The following PTPRQ variants were observed in gnomAD, a reference collection of about 807,000 sequenced individuals.
PTPRQ encodes the protein phosphatidylinositol phosphatase PTPRQ.
A neutral mutation model predicts 246.0 loss-of-function variants in PTPRQ; 199 were observed. That is an observed-to-expected ratio of 0.81 (90% CI 0.72 to 0.91). The LOEUF (loss-of-function observed/expected upper bound fraction) is 0.91. Ranked by LOEUF, PTPRQ falls within the 40% of genes least tolerant of loss-of-function variation. The pLI is 0.00. For synonymous variants in PTPRQ, 869 were observed against 853.2 expected, an observed-to-expected ratio of 1.02 and a Z score of -0.32; for missense variants, 2,624 against 2,528.4, an observed-to-expected ratio of 1.04 and a Z score of -0.81.
intron 35 of PTPRQ, among the ~76,000 whole-genome samples, chr12:80,641,571 A>T (rs1034398626): frequency 6.6e-6 from 1 of 152,258 alleles, no homozygotes; most frequent in African/African-American, 2.4e-5. Flanking sequence ...TTAACTAGTT[A>T]CCAAGTTCCC....
At chr12:80,586,268 T>C (rs1176069086) in intron 25 of PTPRQ, among the ~76,000 whole-genome samples, 1 of 151,480 alleles carries the variant, frequency 6.6e-6, no homozygotes. Context: ...AAGAAGACAT[T>C]TATGCAGCCA....
chr12:80,670,234 G>T, intron 41 of PTPRQ, 110 bp from the exon 42 acceptor site: 1 of 1,442,538 alleles, frequency 6.9e-7, no homozygotes, highest in South Asian at 1.4e-5. Flanking sequence ...ATTTGGTTTG[G>T]TAAATAGTCA....
chr12:80,507,157 AG>A (rs1421051488), intron 16 of PTPRQ, among the ~76,000 whole-genome samples: 1 of 151,916 alleles, frequency 6.6e-6, no homozygotes, highest in Non-Finnish European at 1.5e-5. Context: ...TATTCCCCAA[AG>A]TTAGTAGCTT....
chr12:80,651,519 A>T (rs183598663), intron 37 of PTPRQ, among the ~76,000 whole-genome samples: 81 of 152,164 alleles, frequency 5.3e-4, no homozygotes, highest in Non-Finnish European at 1.5e-5. Context: ...TCCCACTGAA[A>T]AGAGAGAAAG....
intron 33 of PTPRQ, among the ~76,000 whole-genome samples, chr12:80,623,936 C>G (rs139756933): frequency 2.0e-5 from 3 of 152,144 alleles, no homozygotes; most frequent in Non-Finnish European, 4.4e-5. Context: ...CAATGATGGC[C>G]TCATCCAGCA....
chr12:80,657,350 A>G (rs1291766287), intron 38 of PTPRQ, among the ~76,000 whole-genome samples: 1 of 151,888 alleles, frequency 6.6e-6, no homozygotes, highest in Non-Finnish European at 1.5e-5. Flanking sequence ...CCTTGTGATA[A>G]TGAAAGTAAG....
chr12:80,555,510 A>T (rs1265203666), intron 25 of PTPRQ, among the ~76,000 whole-genome samples: 1 of 152,192 alleles, frequency 6.6e-6, no homozygotes, highest in African/African-American at 2.4e-5. Flanking sequence ...TTTCCTTTGT[A>T]TCCTACTTAC....
intron 25 of PTPRQ, among the ~76,000 whole-genome samples, chr12:80,555,168 G>A (rs892872158): frequency 5.3e-5 from 8 of 151,936 alleles, no homozygotes; most frequent in East Asian, 1.9e-4. Flanking sequence ...TACCTGCCTC[G>A]GCCTCCCAAA....
intron 38 of PTPRQ, among the ~76,000 whole-genome samples, chr12:80,654,847 G>A (rs1053084915): frequency 6.6e-6 from 1 of 151,848 alleles, no homozygotes; most frequent in African/African-American, 2.4e-5. Flanking sequence ...GTGACAGAGC[G>A]AGACTCTATC....
At chr12:80,466,381 T>C (rs1893414206) in intron 6 of PTPRQ, among the ~76,000 whole-genome samples, 1 of 152,088 alleles carries the variant, frequency 6.6e-6, no homozygotes, top group African/African-American at 2.4e-5. Flanking sequence ...GAAAGAACAT[T>C]CCATGCTCAT....
intron 9 of PTPRQ, among the ~76,000 whole-genome samples, chr12:80,487,466 A>T (rs897414562): frequency 6.6e-6 from 1 of 152,084 alleles, no homozygotes; most frequent in Non-Finnish European, 1.5e-5. Flanking sequence ...CTCTGACTGG[A>T]CATAACACAA....
At chr12:80,472,376 T>C in intron 8 of PTPRQ, 125 bp downstream of exon 8, 1 of 1,304,336 alleles carries the variant, frequency 7.7e-7, no homozygotes. Context: ...CTTATTAAAT[T>C]ACTACCTAAT....
At chr12:80,465,070 G>A (rs997113253) in intron 6 of PTPRQ, 2 of 123,360 alleles carry the variant, frequency 1.6e-5, no homozygotes, top group African/African-American at 6.3e-5. Flanking sequence ...CCAGGAGCTG[G>A]TTTTTTGAAA....
In PTPRQ at chr12:80,645,300, CA is replaced by C. The variant is rs34558431; in HGVS notation, c.5916-3596del. On this transcript the variant is annotated intron_variant, in intron 35 of 44. Coordinates refer to ENST00000644991, the MANE Select transcript of PTPRQ (RefSeq NM_001145026.2). ...CTGCTATGGCTTTTGCTTAGACTCA[CA>C]TGCTTTTTGTTGATAAATCTATTGA... Among the ~76,000 whole-genome samples the C allele has an allele frequency of 9.9e-3, 1,512 of 152,146 alleles. 27 individuals are homozygous for C. Among genetic ancestry groups the C allele is most frequent in the Admixed American group, 0.058 (886 of 15,280 alleles).
chr12:80,672,564 G>A (rs1901004636), intron 42 of PTPRQ, among the ~76,000 whole-genome samples: 1 of 151,840 alleles, frequency 6.6e-6, no homozygotes, highest in South Asian at 2.1e-4. Flanking sequence ...TCTGACAATA[G>A]GAATTTCCGA....
chr12:80,629,984 A>G (rs1899361766), intron 33 of PTPRQ, among the ~76,000 whole-genome samples: 1 of 152,210 alleles, frequency 6.6e-6, no homozygotes, highest in South Asian at 2.1e-4. Context: ...AAAGTAAGTC[A>G]CATAACGCAT....
Position 80,624,999 on chromosome 12 carries a change from C to T in PTPRQ, c.5686+2865C>T, listed in dbSNP as rs147564122. 2.5e-3 allele frequency among the ~76,000 whole-genome samples: 380 copies of T among 152,232 alleles called. 1 individual carries two copies. Among genetic ancestry groups the T allele is most frequent in the African/African-American group, 8.4e-3 (347 of 41,538 alleles). On this transcript the variant is annotated intron_variant, in intron 33 of 44. Coordinates refer to ENST00000644991, the MANE Select transcript of PTPRQ (RefSeq NM_001145026.2). The stretch of plus-strand genomic sequence containing the variant: ...TGGGCCACATGCAGCCCATGAGCTG[C>T]GAGTTGGACAAGCTCGCCACAGATT...
chr12:80,577,041 A>G (rs1339508519), intron 25 of PTPRQ, among the ~76,000 whole-genome samples: 1 of 152,218 alleles, frequency 6.6e-6, no homozygotes. Flanking sequence ...GTCTTCTAAG[A>G]ACTGTTTCAG....
rs1482189233 is a variant in PTPRQ at position 80,563,217 on chromosome 12, C to CAA, written c.4285+13484_4285+13485dup. Among the ~76,000 whole-genome samples, 3 of 152,060 alleles carry CAA rather than the reference C, an allele frequency of 2.0e-5. No homozygotes were observed. In the East Asian group the frequency reaches 5.8e-4, roughly 29 times the overall value. Reference sequence around the variant, plus strand: ...CTTACAGTCTGGAAGCTGGAAAGTCCAACATCAGGGCACCAGCAGATTCAG... The same window carrying CAA: ...CTTACAGTCTGGAAGCTGGAAAGTCCAAAACATCAGGGCACCAGCAGATTCAG... On this transcript the variant is annotated intron_variant, in intron 25 of 44. Coordinates refer to ENST00000644991, the MANE Select transcript of PTPRQ (RefSeq NM_001145026.2).
Sources: allele counts gnomAD v4.1 joint callset (sites outside exome capture counted in the v4.1 genomes callset), GRCh38; gene constraint gnomAD v4.1.1; transcripts MANE v1.5; gene names NCBI Gene and HGNC (gene_info 2026-07-23, HGNC 2026-07-21).